The following RREB1 variants were observed in gnomAD, a reference collection of about 807,000 sequenced individuals.
The protein encoded by RREB1 is ras-responsive element-binding protein 1.
Under a neutral mutation model 117.8 loss-of-function variants are expected in RREB1, and 27 were observed. The observed-to-expected ratio is 0.23, with a 90% CI of 0.17 to 0.32. The LOEUF (loss-of-function observed/expected upper bound fraction) is 0.32. RREB1 is among the 10% of genes least tolerant of loss of function. The pLI, the probability that RREB1 is intolerant of heterozygous loss-of-function variation, is 1.00. For missense variants in RREB1, 2,577 were observed against 2,378.2 expected, an observed-to-expected ratio of 1.08 and a Z score of -1.74; for synonymous variants, 1,298 against 1,026.7, an observed-to-expected ratio of 1.26 and a Z score of -5.05.
At chr6:7,246,291 G>T in intron 11 of RREB1, 133 bp from the exon 12 acceptor site, 1 of 711,816 alleles carries the variant, frequency 1.4e-6, no homozygotes, top group Non-Finnish European at 2.1e-6. Context: ...GTGAGGATTT[G>T]GGCCGAAAGA....
intron 2 of RREB1, among the ~76,000 whole-genome samples, chr6:7,179,371 G>A (rs1432021970): frequency 6.6e-6 from 1 of 152,000 alleles, no homozygotes; most frequent in Non-Finnish European, 1.5e-5. Context: ...CAATCCTACC[G>A]CCTCGGCCTC....
intron 1 of RREB1, among the ~76,000 whole-genome samples, chr6:7,159,386 A>G (rs1055936358): frequency 6.6e-6 from 1 of 152,202 alleles, no homozygotes; most frequent in Non-Finnish European, 1.5e-5. Context: ...ACTAACTCGA[A>G]TCCCAACATC....
intron 6 of RREB1, among the ~76,000 whole-genome samples, chr6:7,209,967 G>A (rs1480799067): frequency 6.6e-6 from 1 of 152,206 alleles, no homozygotes. Flanking sequence ...TCATTTTTAT[G>A]TTGCAAAATT....
rs1434695409 is a variant in RREB1 at position 7,206,862 on chromosome 6, T to C, written c.426-3942T>C. ...CAGAGGCGGGAACTAGTTGGATGCA[T>C]TTGAGGGACCCACAGGGGCTAGTCT... On this transcript the variant is annotated intron_variant, in intron 6 of 12. Coordinates refer to ENST00000379938, the MANE Select transcript of RREB1 (RefSeq NM_001003699.4). Among the ~76,000 whole-genome samples the C allele has an allele frequency of 3.9e-5, 6 of 152,150 alleles. No homozygotes were observed. In the East Asian group the frequency reaches 1.2e-3, roughly 29 times the overall value.
At chr6:7,143,539 A>G (rs1221491355) in intron 1 of RREB1, among the ~76,000 whole-genome samples, 1 of 152,186 alleles carries the variant, frequency 6.6e-6, no homozygotes, top group Non-Finnish European at 1.5e-5. Flanking sequence ...AATTATCATT[A>G]GACCCAGCTC....
Position 7,231,633 on chromosome 6 carries a change from T to G in RREB1, c.3534T>G (p.Phe1178Leu), listed in dbSNP as rs1366687019. Reference protein sequence around the residue: ...GGVDLDSSGEFASIEKMLATT... With the variant: ...GGVDLDSSGELASIEKMLATT... Reference sequence around the variant, plus strand: ...TGGACCTGGACTCCAGCGGGGAGTTTGCCAGCATCGAGAAGATGCTGGCCA... The same window carrying G: ...TGGACCTGGACTCCAGCGGGGAGTTGGCCAGCATCGAGAAGATGCTGGCCA... The change falls in exon 10 of 13, where the codon TTT becomes TTG. Residue 1178 changes from phenylalanine (F) to leucine (L), a missense_variant. Coordinates refer to ENST00000379938, the MANE Select transcript of RREB1 (RefSeq NM_001003699.4). 2 of 1,611,566 alleles carry G rather than the reference T, an allele frequency of 1.2e-6. No homozygotes were observed. Among genetic ancestry groups the G allele is most frequent in the African/African-American group, 2.7e-5 (2 of 74,834 alleles).
At chr6:7,131,743 G>A (rs1310443353) in intron 1 of RREB1, among the ~76,000 whole-genome samples, 6 of 152,136 alleles carry the variant, frequency 3.9e-5, no homozygotes, top group Admixed American at 6.5e-5. Flanking sequence ...GATTACAAGT[G>A]TAAGCCACAC....
At chr6:7,202,076 G>A (rs1394158904) in intron 6 of RREB1, among the ~76,000 whole-genome samples, 2 of 152,012 alleles carry the variant, frequency 1.3e-5, no homozygotes, top group African/African-American at 2.4e-5. Flanking sequence ...TCCAATCTTG[G>A]TTCCCCTTTC....
chr6:7,246,775 C>T lies in RREB1; in HGVS notation c.4325C>T (p.Ala1442Val). The T allele has an allele frequency of 3.2e-6, 5 of 1,552,228 alleles. No homozygotes were observed. The South Asian group carries it at 5.9e-5, about 18-fold the overall frequency. ...GDGEAGAGGA[A>V]SQEQKLACDT... is the part of the protein sequence containing the mutation. Reference sequence around the variant, plus strand: ...GGCGAGGCAGGCGCCGGGGGCGCGGCCTCGCAGGAGCAGAAGCTCGCCTGC... The same window carrying T: ...GGCGAGGCAGGCGCCGGGGGCGCGGTCTCGCAGGAGCAGAAGCTCGCCTGC... The change falls in exon 12 of 13, where the codon GCC (alanine) becomes GTC (valine). Residue 1442 changes from alanine (A) to valine (V), a missense_variant. Physicochemically the swap from Ala to Val is moderately conservative, Grantham distance 64. Transcript: ENST00000379938.
intron 1 of RREB1, among the ~76,000 whole-genome samples, chr6:7,161,676 ACTC>A (rs1469326268): frequency 1.3e-5 from 2 of 151,866 alleles, no homozygotes; most frequent in African/African-American, 4.8e-5. Flanking sequence ...TTAAAACAAA[ACTC>A]CTCTAAATCC....
chr6:7,143,851 C>CTTTTTTTTTTTTTTTTTTTTTT (rs11365387), intron 1 of RREB1, among the ~76,000 whole-genome samples: 1 of 89,382 alleles, frequency 1.1e-5, no homozygotes, highest in Non-Finnish European at 2.3e-5. Context: ...TTTTTTCTTT[C>CTTTTTTTTTTTTTTTTTTTTTT]TTTTTTTTTT....
intron 10 of RREB1, among the ~76,000 whole-genome samples, chr6:7,239,004 G>A (rs1432245041): frequency 6.6e-6 from 1 of 152,216 alleles, no homozygotes; most frequent in Non-Finnish European, 1.5e-5. Flanking sequence ...GACACAGCCA[G>A]TGCCGGTTAA....
rs1167084270 is a variant in RREB1, at chr6:7,182,159, A to G, written c.171+77A>G. The stretch of plus-strand genomic sequence containing the variant: ...ATTGGGAGATGTTTCCGAGTTTCCT[A>G]TGATAAAACCTTGGAAGAATTGGGA... On this transcript the variant is annotated intron_variant, in intron 4 of 12. Coordinates refer to ENST00000379938, the MANE Select transcript of RREB1 (RefSeq NM_001003699.4). The G allele has an allele frequency of 2.3e-5, 31 of 1,325,048 alleles. No individual in the cohort carries two copies. In the Middle Eastern group the frequency reaches 1.8e-3, roughly 76 times the overall value. 82.1% of individuals were successfully genotyped at this position (1,325,048 alleles called of 1,614,324 possible).
In RREB1 at chr6:7,229,810, C is replaced by T; in HGVS notation, c.1711C>T (p.Pro571Ser). 6.2e-7 allele frequency: 1 copy of T among 1,610,516 alleles called. No individual in the cohort carries two copies. Among genetic ancestry groups the T allele is most frequent in the Non-Finnish European group, 8.5e-7 (1 of 1,178,596 alleles). Residue 571 changes from proline (P) to serine (S), a missense_variant, in exon 10 of 13, where the codon CCC (proline) becomes TCC (serine). Physicochemically the swap from Pro to Ser is moderately conservative, Grantham distance 74. Transcript: ENST00000379938. The surrounding 1 kb of genome is among the most constrained non-coding windows in gnomAD (Gnocchi z 4.5). ...GCTGCAGTCCAAGTCCGGGACCCAG[C>T]CCCACGCGGCCACGCGGCTCTCCCT... ...HLLQSKSGTQPHAATRLSLQQ... is the reference protein window; with the variant it reads ...HLLQSKSGTQSHAATRLSLQQ...
chr6:7,248,272 G>A (rs532260262), intron 12 of RREB1, among the ~76,000 whole-genome samples: 2 of 152,194 alleles, frequency 1.3e-5, no homozygotes, highest in African/African-American at 2.4e-5. Context: ...GGATCAGTAT[G>A]TAGAGTGCCT....
chr6:7,139,227 G>GGGAGAGAGAAAGTA (rs1762462758), intron 1 of RREB1: 1 of 152,250 alleles, frequency 6.6e-6, no homozygotes, highest in Non-Finnish European at 1.5e-5. Flanking sequence ...GGGGGGATGG[G>GGGAGAGAGAAAGTA]GGAGAGAGAA....
At position 7,229,065 on chromosome 6, in the gene RREB1, C is replaced by T. The variant is rs1190564275; in HGVS notation, c.966C>T (p.Asp322=). 5 of 1,569,656 alleles carry T rather than the reference C, an allele frequency of 3.2e-6. No homozygotes were observed. Among genetic ancestry groups the T allele is most frequent in the Non-Finnish European group, 4.3e-6 (5 of 1,152,912 alleles). The part of the protein sequence containing the change: ...EQHRFVCDTC[D]KAFPMLCSLA... The stretch of plus-strand genomic sequence containing the variant: ...ACCGTTTTGTCTGCGACACCTGTGA[C>T]AAGGCGTTCCCCATGCTCTGCTCAC... Residue 322 remains aspartate (D), a synonymous_variant, in exon 10 of 13, where the codon GAC becomes GAT. Coordinates refer to ENST00000379938, the MANE Select transcript of RREB1 (RefSeq NM_001003699.4). The surrounding 1 kb of genome is among the most constrained non-coding windows in gnomAD (Gnocchi z 4.5).
chr6:7,177,086 G>T (rs1285048155), intron 2 of RREB1, among the ~76,000 whole-genome samples: 1 of 151,946 alleles, frequency 6.6e-6, no homozygotes, highest in Non-Finnish European at 1.5e-5. Flanking sequence ...AGGCGTGGTG[G>T]TGCGTGCCTG....
At position 7,189,242 on chromosome 6, in the gene RREB1, C is replaced by T. The variant is rs1264133616; in HGVS notation, c.345C>T (p.His115=). 2.5e-6 allele frequency: 4 copies of T among 1,612,172 alleles called. No individual in the cohort carries two copies. Among genetic ancestry groups the T allele is most frequent in the Non-Finnish European group, 3.4e-6 (4 of 1,179,024 alleles). Residue 115 remains histidine, a synonymous_variant, in exon 6 of 13, where the codon CAC becomes CAT. Transcript: ENST00000379938. ...GCTCGGCCAGCTCCCTCGATCGCCACATGCTGGTGCACTCTGGCGAGAGGC... is the reference window on the plus strand; with the variant it reads ...GCTCGGCCAGCTCCCTCGATCGCCATATGCTGGTGCACTCTGGCGAGAGGC... The part of the protein sequence containing the change: ...SLSSASSLDR[H]MLVHSGERPY...
Sources: allele counts gnomAD v4.1 joint callset (sites outside exome capture counted in the v4.1 genomes callset), GRCh38; gene constraint gnomAD v4.1.1; non-coding constraint Gnocchi (gnomAD v3.1); transcripts MANE v1.5; gene names NCBI Gene and HGNC (gene_info 2026-07-23, HGNC 2026-07-21).